SIDT2: variants seen among roughly 807,000 people sequenced by gnomAD.
The protein encoded by SIDT2 is SID1 transmembrane family, member 2.
SIDT2 carries 68 observed loss-of-function variants against 114.4 expected under a neutral mutation model. That is an observed-to-expected ratio of 0.59 (90% CI 0.49 to 0.73). SIDT2 has a LOEUF of 0.73. SIDT2 is among the 30% of genes least tolerant of loss of function. The pLI is 0.00. For synonymous variants in SIDT2, 470 were observed against 438.4 expected (o/e 1.07, Z -0.90); for missense variants, 918 against 1,097.1 (o/e 0.84, Z 2.31).
intron 24 of SIDT2, among the ~76,000 whole-genome samples, chr11:117,194,724 G>A (rs2030827680): frequency 6.6e-6 from 1 of 152,172 alleles, no homozygotes; most frequent in South Asian, 2.1e-4. Flanking sequence ...GAGGACTAAC[G>A]GGTCTCTCCG....
chr11:117,191,830 G>A, intron 18 of SIDT2, 48 bp from the exon 19 acceptor site: 1 of 1,601,468 alleles, frequency 6.2e-7, no homozygotes, highest in South Asian at 1.1e-5. Context: ...TTCTCTGCTG[G>A]GGCTTGGTGG....
chr11:117,180,007 G>C (rs1204164595), intron 1 of SIDT2: 2 of 152,236 alleles, frequency 1.3e-5, no homozygotes, highest in African/African-American at 4.8e-5. Flanking sequence ...AGGGGAATTT[G>C]TCCACTGTGA....
chr11:117,182,690 T>G, intron 5 of SIDT2, 33 bp from the exon 6 acceptor site: 1 of 1,613,986 alleles, frequency 6.2e-7, no homozygotes, highest in Non-Finnish European at 8.5e-7. Context: ...CAGGCCAGGT[T>G]CCCATCCATC....
Position 117,192,905 on chromosome 11 carries a change from A to G in SIDT2, c.2105+39A>G. On this transcript the variant is annotated intron_variant, in intron 22 of 25. Transcript: ENST00000324225. This position sits in a 1 kb window ranked among gnomAD's most constrained non-coding sequence, Gnocchi z 5.9. ...GCAGTAGTGGCCTGGTTGGGTGGAC[A>G]GCTGGGGACTCGGTCAGCCACTGGC... 6 of 1,613,646 alleles carry G rather than the reference A, an allele frequency of 3.7e-6. No homozygotes were observed. Among genetic ancestry groups the G allele is most frequent in the Non-Finnish European group, 5.1e-6 (6 of 1,179,670 alleles).
chr11:117,187,803 G>C (rs1311051132), intron 12 of SIDT2, 104 bp downstream of exon 12: 5 of 1,102,062 alleles, frequency 4.5e-6, no homozygotes, highest in African/African-American at 3.1e-5. Flanking sequence ...TGGAACCTGG[G>C]AAGGGCCTGC....
intron 4 of SIDT2, 94 bp from the exon 5 acceptor site, chr11:117,182,425 C>A: frequency 8.8e-7 from 1 of 1,141,938 alleles, no homozygotes. Context: ...TCAGAGGATT[C>A]TGGGTCCTCG....
chr11:117,182,165 G>A, intron 4 of SIDT2, 60 bp downstream of exon 4: 1 of 1,591,490 alleles, frequency 6.3e-7, no homozygotes, highest in Non-Finnish European at 8.6e-7. Flanking sequence ...TATGAGAATG[G>A]GAGTGGCCAG....
At chr11:117,181,009 C>T (rs76883864) in intron 1 of SIDT2, among the ~76,000 whole-genome samples, 8,218 of 152,254 alleles carry the variant, frequency 0.054, 264 homozygotes, top group Middle Eastern at 0.1. Flanking sequence ...TCCTGGCTCA[C>T]AGGAAGGTTG....
Position 117,196,251 on chromosome 11 carries a change from C to T in SIDT2, c.*185C>T. On this transcript the variant is annotated 3_prime_UTR_variant, in exon 26 of 26. Transcript: ENST00000324225. The surrounding 1 kb of genome is among the most constrained non-coding windows in gnomAD (Gnocchi z 4.9). ...CATGGGGTGGCATGGAACCTTGCAG[C>T]TGCCCTCTGCCGAGGAGCAGGCCTG... is the stretch of plus-strand genomic sequence containing the variant. 2 of 737,146 alleles carry T rather than the reference C, an allele frequency of 2.7e-6. No individual in the cohort carries two copies. The highest frequency in any genetic ancestry group is 3.7e-5 in the South Asian group (2 of 54,390). 45.7% of individuals were successfully genotyped at this position (737,146 alleles called of 1,614,324 possible).
intron 23 of SIDT2, 47 bp downstream of exon 23, chr11:117,193,305 G>A (rs1369758407): frequency 2.7e-6 from 4 of 1,504,948 alleles, no homozygotes; most frequent in Non-Finnish European, 3.7e-6. Context: ...TCTGCTATCT[G>A]GGGAGAGAGA....
intron 4 of SIDT2, 103 bp downstream of exon 4, chr11:117,182,208 TTCTCCATGGAGGGC>T: frequency 7.4e-7 from 1 of 1,345,336 alleles, no homozygotes. Flanking sequence ...ATTGGCTGTT[TTCTCCATGGAGGGC>T]TCTCTGGAAA....
chr11:117,194,208 C>T (rs564363274), intron 24 of SIDT2: 121 of 378,682 alleles, frequency 3.2e-4, no homozygotes, highest in African/African-American at 2.1e-3. Context: ...CTAGCTACCT[C>T]GGAAGCGGAG....
At chr11:117,194,046 C>A in intron 24 of SIDT2, 83 bp downstream of exon 24, 23 of 1,111,118 alleles carry the variant, frequency 2.1e-5, no homozygotes, top group Non-Finnish European at 2.9e-5. Context: ...CTGGGATTAC[C>A]TGTAATCCCA....
rs2030740122 is a variant in SIDT2 at position 117,192,515 on chromosome 11, A to C, written c.1982-59A>C. 6.3e-7 allele frequency: 1 copy of C among 1,587,132 alleles called. No individual in the cohort carries two copies. Among genetic ancestry groups the C allele is most frequent in the South Asian group, 1.1e-5 (1 of 90,722 alleles). ...CTGGGCTCCTCAGCTGGCACATCCC[A>C]GGGGTCCAGCAAAGGAGGGTGCCCC... On this transcript the variant is annotated intron_variant, in intron 20 of 25. Transcript: ENST00000324225. This position sits in a 1 kb window ranked among gnomAD's most constrained non-coding sequence, Gnocchi z 5.9.
At position 117,183,759 on chromosome 11, in the gene SIDT2, T is replaced by C. The variant is rs748340218; in HGVS notation, c.703-20T>C. The C allele has an allele frequency of 1.3e-6, 2 of 1,533,852 alleles. No homozygotes were observed. The highest frequency in any genetic ancestry group is 3.4e-5 in the Admixed American group (2 of 59,570). On this transcript the variant is annotated intron_variant, in intron 6 of 25. Coordinates refer to ENST00000324225, the MANE Select transcript of SIDT2 (RefSeq NM_001040455.2). Reference sequence around the variant, plus strand: ...ATGATGATGATGATGAAGAAGATATTTATCATCATCATCCTGCAGCGCAAA... The same window carrying C: ...ATGATGATGATGATGAAGAAGATATCTATCATCATCATCCTGCAGCGCAAA...
At chr11:117,194,425 G>A (rs921792863) in intron 24 of SIDT2, among the ~76,000 whole-genome samples, 22 of 152,174 alleles carry the variant, frequency 1.4e-4, no homozygotes, top group African/African-American at 4.1e-4. Context: ...GTTTACTTAC[G>A]AGACAGATGA....
intron 1 of SIDT2, among the ~76,000 whole-genome samples, chr11:117,180,089 G>A (rs1319314958): frequency 6.6e-6 from 1 of 152,224 alleles, no homozygotes. Context: ...AATAGACACA[G>A]CTAGTGTGGG....
intron 8 of SIDT2, among the ~76,000 whole-genome samples, chr11:117,185,615 C>T (rs528871235): frequency 4.6e-5 from 7 of 152,040 alleles, no homozygotes; most frequent in South Asian, 2.1e-4. Flanking sequence ...CGGTGGCTCA[C>T]GCCTATAATC....
At chr11:117,189,873 CA>C in intron 15 of SIDT2, 78 bp from the exon 16 acceptor site, 1 of 1,456,844 alleles carries the variant, frequency 6.9e-7, no homozygotes, top group South Asian at 1.1e-5. Flanking sequence ...TGTTTTTTGC[CA>C]AAGGGGCCCG....
Sources: allele counts gnomAD v4.1 joint callset (sites outside exome capture counted in the v4.1 genomes callset), GRCh38; gene constraint gnomAD v4.1.1; non-coding constraint Gnocchi (gnomAD v3.1); transcripts MANE v1.5; gene names NCBI Gene and HGNC (gene_info 2026-07-23, HGNC 2026-07-21).